Variants in MED24 observed in about 807,000 individuals in gnomAD.
MED24 encodes the protein mediator of RNA polymerase II transcription subunit 24.
MED24 carries 74 observed loss-of-function variants against 118.8 expected under a neutral mutation model. The observed-to-expected ratio is 0.62, with a 90% CI of 0.52 to 0.76. The LOEUF (loss-of-function observed/expected upper bound fraction) is 0.76, where lower values mean the gene tolerates loss of function less well. MED24 is among the 30% of genes least tolerant of loss of function. The pLI is 0.00. For missense variants in MED24, 1,041 were observed against 1,278.9 expected (o/e 0.81, Z 2.84); for synonymous variants, 521 against 523.9 (o/e 0.99, Z 0.08).
At chr17:40,043,230 C>T (rs9913148) in intron 3 of MED24, among the ~76,000 whole-genome samples, 11,541 of 152,136 alleles carry the variant, frequency 0.076, 1,499 homozygotes, top group African/African-American at 0.26. Context: ...GCCACCACAC[C>T]CGGCCTGTTG....
intron 15 of MED24, chr17:40,027,697 A>G: frequency 1.5e-6 from 1 of 669,470 alleles, no homozygotes; most frequent in Non-Finnish European, 2.6e-6. Context: ...TAAAGGGATG[A>G]GGGGGGGAAG....
At chr17:40,034,854 C>CGGGGGGGGG in intron 6 of MED24, 1 of 240,112 alleles carries the variant, frequency 4.2e-6, no homozygotes, top group Non-Finnish European at 8.5e-6. Context: ...TTTGGTAGCC[C>CGGGGGGGGG]CCCACCCCCC....
intron 4 of MED24, 60 bp from the exon 5 acceptor site, chr17:40,035,855 G>A: frequency 6.6e-7 from 1 of 1,505,988 alleles, no homozygotes; most frequent in South Asian, 1.1e-5. Flanking sequence ...GGTCTCACAT[G>A]AGGCAGACGG....
In MED24 at chr17:40,033,142, C is replaced by T; in HGVS notation, c.736G>A (p.Ala246Thr). 5 of 1,614,112 alleles carry T rather than the reference C, an allele frequency of 3.1e-6. No homozygotes were observed. The highest frequency in any genetic ancestry group is 1.1e-5 in the South Asian group (1 of 91,084). Residue 246 changes from alanine to threonine, a missense_variant, in exon 8 of 26, where the codon GCC (alanine) becomes ACC (threonine). Physicochemically the swap from Ala to Thr is moderately conservative, Grantham distance 58 (BLOSUM62 0). Coordinates refer to ENST00000394128, the MANE Select transcript of MED24 (RefSeq NM_014815.4). This position sits in a 1 kb window ranked among gnomAD's most constrained non-coding sequence, Gnocchi z 5.2. ...ATGGTGCCCTCGAGCAGGATCACGG[C>T]GTGGACAGTGGGGAAGCCGGTCTTG... ...MHKTGFPTVH[A>T]VILLEGTMNL...
chr17:40,042,475 C>T (rs912272545), intron 3 of MED24, among the ~76,000 whole-genome samples: 7 of 152,120 alleles, frequency 4.6e-5, no homozygotes, highest in African/African-American at 1.7e-4. Flanking sequence ...GAGTTCAAGA[C>T]CAGCCTGGCC....
At position 40,039,712 on chromosome 17, in the gene MED24, G is replaced by A. The variant is rs531028421; in HGVS notation, c.214-3558C>T. ...CAGGCTGGAGTGCAGTGGTGCTCCCGGATTCAAGCAATCCTCCCACCTCAG... is the reference window on the plus strand; with the variant it reads ...CAGGCTGGAGTGCAGTGGTGCTCCCAGATTCAAGCAATCCTCCCACCTCAG... On this transcript the variant is annotated intron_variant, in intron 3 of 25. Coordinates refer to ENST00000394128, the MANE Select transcript of MED24 (RefSeq NM_014815.4). Among the ~76,000 whole-genome samples, 26 of 150,982 alleles carry A rather than the reference G, an allele frequency of 1.7e-4. No homozygotes were observed. In the South Asian group the frequency reaches 5.2e-3, roughly 30 times the overall value.
chr17:40,026,616 G>T, intron 18 of MED24, 31 bp downstream of exon 18: 1 of 1,570,022 alleles, frequency 6.4e-7, no homozygotes, highest in Non-Finnish European at 8.7e-7. Context: ...GTGTCTCAGG[G>T]GAGCAAACGC....
chr17:40,019,945 G>A lies in MED24; in HGVS notation c.2705-12C>T, dbSNP rs189752671. 641 of 1,559,216 alleles carry A rather than the reference G, an allele frequency of 4.1e-4. 1 individual carries two copies. The highest frequency in any genetic ancestry group is 8.3e-4 in the Middle Eastern group (5 of 6,000). On this transcript the variant is annotated splice_polypyrimidine_tract_variant and intron_variant, in intron 24 of 25. Transcript: ENST00000394128. ...CAGGAACAGGTTGGCTGTAGAGAGT[G>A]GGGGGAGAGTGACAGGAGGGAGTTC...
chr17:40,027,359 G>A (rs1568159978), intron 16 of MED24, 24 bp downstream of exon 16: 6 of 1,606,324 alleles, frequency 3.7e-6, no homozygotes, highest in East Asian at 2.2e-5. Flanking sequence ...TTGAGCCCCC[G>A]TCCCGGTCGC....
chr17:40,043,679 G>C (rs561419910), intron 3 of MED24, among the ~76,000 whole-genome samples: 1 of 151,812 alleles, frequency 6.6e-6, no homozygotes, highest in Non-Finnish European at 1.5e-5. Context: ...ACGAGGTCAG[G>C]AGATCGAGAC....
intron 15 of MED24, 198 bp from the exon 16 acceptor site, chr17:40,027,663 C>G: frequency 1.5e-6 from 1 of 665,440 alleles, no homozygotes; most frequent in East Asian, 2.7e-5. Context: ...CCAGCACCCT[C>G]TCCTGGCATA....
At chr17:40,050,151 C>G (rs866838234) in intron 3 of MED24, among the ~76,000 whole-genome samples, 22 of 74,104 alleles carry the variant, frequency 3.0e-4, no homozygotes, top group South Asian at 9.4e-4. Context: ...AACTCCGTCT[C>G]AAAAAAAAAA....
At chr17:40,020,589 A>G in intron 23 of MED24, 4 of 827,098 alleles carry the variant, frequency 4.8e-6, no homozygotes, top group Middle Eastern at 3.8e-4. Context: ...GGAGTTTGAG[A>G]CCAGCCTTGG....
chr17:40,029,117 C>G (rs1983066571), intron 13 of MED24, 149 bp from the exon 14 acceptor site: 30 of 1,052,472 alleles, frequency 2.9e-5, no homozygotes, highest in Non-Finnish European at 3.8e-5. Context: ...AAAACCCACC[C>G]CTGCTCTCCG....
At chr17:40,046,333 C>T (rs1473858093) in intron 3 of MED24, among the ~76,000 whole-genome samples, 7 of 5,034 alleles carry the variant, frequency 1.4e-3, no homozygotes, top group African/African-American at 6.8e-3. Context: ...ATCCGCCCGC[C>T]TCGGCCTCCC....
At chr17:40,024,116 G>T (rs533311789) in intron 19 of MED24, among the ~76,000 whole-genome samples, 37 of 151,988 alleles carry the variant, frequency 2.4e-4, no homozygotes, top group Admixed American at 1.6e-3. Flanking sequence ...TTGGTAGGGC[G>T]GGGGGGAAGG....
chr17:40,052,237 G>A (rs1985932727), intron 3 of MED24, among the ~76,000 whole-genome samples: 1 of 152,204 alleles, frequency 6.6e-6, no homozygotes, highest in Middle Eastern at 3.4e-3. Context: ...AGGTTGCAGT[G>A]AGCCGAGGTC....
At chr17:40,047,746 T>C (rs1985398580) in intron 3 of MED24, among the ~76,000 whole-genome samples, 1 of 151,952 alleles carries the variant, frequency 6.6e-6, no homozygotes, top group Non-Finnish European at 1.5e-5. Context: ...GTTTGTATGT[T>C]CTGAGACGAA....
At chr17:40,020,229 G>T in intron 24 of MED24, 44 bp downstream of exon 24, 1 of 1,460,620 alleles carries the variant, frequency 6.8e-7, no homozygotes, top group Non-Finnish European at 9.1e-7. Flanking sequence ...AGAGAGACTC[G>T]TCCAGCTTAG....
Sources: gnomAD v4.1 joint callset for allele counts (sites outside exome capture counted in the v4.1 genomes callset) on GRCh38, gnomAD v4.1.1 for gene constraint, Gnocchi (gnomAD v3.1) non-coding constraint, MANE v1.5 for transcripts, NCBI Gene and HGNC (gene_info 2026-07-23, HGNC 2026-07-21) for gene names.